PGK2: variants seen among roughly 807,000 people sequenced by gnomAD.
The protein encoded by PGK2 is phosphoglycerate kinase 2, also known as epididymis secretory protein Li 272.
PGK2 carries 5 observed loss-of-function variants against 5.2 expected under a neutral mutation model. That is an observed-to-expected ratio of 0.96 (90% confidence interval 0.50 to 2.01). PGK2 has a LOEUF of 2.01. Among genes scored for constraint, PGK2 ranks in the 30% most tolerant of loss-of-function variants. PGK2 has a pLI of 0.01. For synonymous variants in PGK2, 210 were observed against 182.6 expected, an observed-to-expected ratio of 1.15 and a Z score of -1.21; for missense variants, 588 against 506.8, an observed-to-expected ratio of 1.16 and a Z score of -1.54.
chr6:49,787,121 C>T lies in PGK2; in HGVS notation c.67G>A (p.Val23Ile). Reference sequence around the variant, plus strand: ...TTCTTCATGGGAACATTGAAGTCTACTCTCATGATGACTCGCTTCCCTCTA... The same window carrying T: ...TTCTTCATGGGAACATTGAAGTCTATTCTCATGATGACTCGCTTCCCTCTA... ...DVRGKRVIMR[V>I]DFNVPMKKNQ... is the part of the protein sequence containing the mutation. Residue 23 changes from valine to isoleucine, a missense_variant, in exon 1 of 1, where the codon GTA becomes ATA. Physicochemically the swap from Val to Ile is conservative, Grantham distance 29 (BLOSUM62 3). Coordinates refer to ENST00000304801, the MANE Select transcript of PGK2 (RefSeq NM_138733.5). The T allele has an allele frequency of 6.2e-7, 1 of 1,613,290 alleles. No homozygotes were observed. Among genetic ancestry groups the T allele is most frequent in the Non-Finnish European group, 8.5e-7 (1 of 1,179,314 alleles).
rs1665073969 is a variant in PGK2 at position 49,787,052 on chromosome 6, T to C, written c.136A>G (p.Ser46Gly). The change falls in exon 1 of 1, where the codon AGC (serine) becomes GGC (glycine). Residue 46 changes from serine (S) to glycine (G), a missense_variant. By Grantham distance (56) the Ser-to-Gly change is moderately conservative. Coordinates refer to ENST00000304801, the MANE Select transcript of PGK2 (RefSeq NM_138733.5). ...NNQRIKASIP[S>G]IKYCLDNGAK... is the part of the protein sequence containing the mutation. ...CCATTGTCCAGGCAGTACTTGATGC[T>C]TGGGATGGAAGCCTTGATCCTCTGG... The C allele has an allele frequency of 1.2e-6, 2 of 1,614,134 alleles. No individual in the cohort carries two copies. The highest frequency in any genetic ancestry group is 1.3e-5 in the African/African-American group (1 of 75,048).
chr6:49,786,714 C>G lies in PGK2; in HGVS notation c.474G>C (p.Gly158=). 1 of 1,614,068 alleles carries G rather than the reference C, an allele frequency of 6.2e-7. No individual in the cohort carries two copies. The change falls in exon 1 of 1, where the codon GGG becomes GGC. Residue 158 remains glycine (G), a synonymous_variant. Coordinates refer to ENST00000304801, the MANE Select transcript of PGK2 (RefSeq NM_138733.5). ...CAAAAGCATCATTGACATAGACGTCCCCTAGCTTGGAAAGTGATGCTCGGA... is the reference window on the plus strand; with the variant it reads ...CAAAAGCATCATTGACATAGACGTCGCCTAGCTTGGAAAGTGATGCTCGGA... ...EAFRASLSKL[G]DVYVNDAFGT...
chr6:49,786,848 C>G lies in PGK2; in HGVS notation c.340G>C (p.Gly114Arg). 1 of 1,614,114 alleles carries G rather than the reference C, an allele frequency of 6.2e-7. No individual in the cohort carries two copies. The highest frequency in any genetic ancestry group is 8.5e-7 in the Non-Finnish European group (1 of 1,180,006). ...VEKACANPAP[G>R]SVILLENLRF... The stretch of plus-strand genomic sequence containing the variant: ...AGGTTCTCCAGCAGGATGACTGAAC[C>G]AGGAGCTGGGTTGGCACAGGCTTTC... Residue 114 changes from glycine (G) to arginine (R), a missense_variant, in exon 1 of 1, where the codon GGT becomes CGT. Gly to Arg is a moderately radical substitution (Grantham distance 125). Coordinates refer to ENST00000304801, the MANE Select transcript of PGK2 (RefSeq NM_138733.5).
In PGK2 at chr6:49,785,999, C is replaced by T. The variant is rs780287346; in HGVS notation, c.1189G>A (p.Gly397Ser). The T allele has an allele frequency of 5.6e-6, 9 of 1,613,974 alleles. No individual in the cohort carries two copies. The highest frequency in any genetic ancestry group is 4.0e-5 in the African/African-American group (3 of 74,908). ...DKVSHVSTGG[G>S]ASLELLEGKI... ...CCTTCCAGAAGCTCTAGACTGGCAC[C>T]GCCTCCAGTGCTGACATGGCTGACT... The change falls in exon 1 of 1, where the codon GGT (glycine) becomes AGT (serine). Residue 397 changes from glycine to serine, a missense_variant. Gly to Ser is a moderately conservative substitution (Grantham distance 56). Coordinates refer to ENST00000304801, the MANE Select transcript of PGK2 (RefSeq NM_138733.5).
rs900610306 is a variant in PGK2, at chr6:49,787,081, T to C, written c.107A>G (p.Asn36Ser). 3.1e-6 allele frequency: 5 copies of C among 1,613,992 alleles called. No individual in the cohort carries two copies. The highest frequency in any genetic ancestry group is 4.2e-6 in the Non-Finnish European group (5 of 1,180,002). The change falls in exon 1 of 1, where the codon AAC becomes AGC. Residue 36 changes from asparagine to serine, a missense_variant. Physicochemically the swap from Asn to Ser is conservative, Grantham distance 46. Transcript: ENST00000304801. Reference protein sequence around the residue: ...NVPMKKNQITNNQRIKASIPS... With the variant: ...NVPMKKNQITSNQRIKASIPS... ...GATGGAAGCCTTGATCCTCTGGTTG[T>C]TTGTAATCTGGTTCTTCTTCATGGG...
Position 49,787,263 on chromosome 6 carries a change from C to A in PGK2, c.-76G>T. 2 of 1,093,112 alleles carry A rather than the reference C, an allele frequency of 1.8e-6. No individual in the cohort carries two copies. The highest frequency in any genetic ancestry group is 2.9e-5 in the South Asian group (2 of 70,086). 67.7% of individuals were successfully genotyped at this position (1,093,112 alleles called of 1,614,324 possible). Reference sequence around the variant, plus strand: ...CCAACTTGCTGTTGAGGGGCTGGGTCGGTGGTGACTTCTAACGCCTTTGCC... The same window carrying A: ...CCAACTTGCTGTTGAGGGGCTGGGTAGGTGGTGACTTCTAACGCCTTTGCC... On this transcript the variant is annotated 5_prime_UTR_variant, in exon 1 of 1. Coordinates refer to ENST00000304801, the MANE Select transcript of PGK2 (RefSeq NM_138733.5).
Position 49,786,554 on chromosome 6 carries a change from G to C in PGK2, c.634C>G (p.Leu212Val). ...TTGTCTGCCACTTTGGCTCCACCAA[G>C]TATAGCCAGAAAGGGTCTCACTGGG... ...ENPVRPFLAILGGAKVADKIQ... is the reference protein window; with the variant it reads ...ENPVRPFLAIVGGAKVADKIQ... Residue 212 changes from leucine (L) to valine (V), a missense_variant, in exon 1 of 1, where the codon CTT becomes GTT. Coordinates refer to ENST00000304801, the MANE Select transcript of PGK2 (RefSeq NM_138733.5). 6.2e-7 allele frequency: 1 copy of C among 1,614,122 alleles called. No individual in the cohort carries two copies. The highest frequency in any genetic ancestry group is 8.5e-7 in the Non-Finnish European group (1 of 1,180,014).
Position 49,785,943 on chromosome 6 carries a change from G to T in PGK2, c.1245C>A (p.Ser415Arg). 6.2e-7 allele frequency: 1 copy of T among 1,613,528 alleles called. No individual in the cohort carries two copies. The highest frequency in any genetic ancestry group is 8.5e-7 in the Non-Finnish European group (1 of 1,179,570). Reference sequence around the variant, plus strand: ...AGTAACACTATATTAACTACATGTTGCTGAGGGCCTCTACTCCAGGAAGGA... The same window carrying T: ...AGTAACACTATATTAACTACATGTTTCTGAGGGCCTCTACTCCAGGAAGGA... ...GKILPGVEAL[S>R]NM The change falls in exon 1 of 1, where the codon AGC becomes AGA. Residue 415 changes from serine (S) to arginine (R), a missense_variant. Ser to Arg is a moderately radical substitution (Grantham distance 110). Coordinates refer to ENST00000304801, the MANE Select transcript of PGK2 (RefSeq NM_138733.5).
rs1426981259 is a variant in PGK2 at position 49,786,828 on chromosome 6, C to T, written c.360G>A (p.Glu120=). The stretch of plus-strand genomic sequence containing the variant: ...CTTCCTCCACATGAAAGCGCAGGTT[C>T]TCCAGCAGGATGACTGAACCAGGAG... The part of the protein sequence containing the change: ...NPAPGSVILL[E]NLRFHVEEEG... Residue 120 remains glutamate, a synonymous_variant, in exon 1 of 1, where the codon GAG becomes GAA. Coordinates refer to ENST00000304801, the MANE Select transcript of PGK2 (RefSeq NM_138733.5). The T allele has an allele frequency of 5.0e-6, 8 of 1,614,176 alleles. No individual in the cohort carries two copies. The highest frequency in any genetic ancestry group is 1.3e-5 in the African/African-American group (1 of 75,062).
In PGK2 at chr6:49,786,999, A is replaced by G. The variant is rs140475255; in HGVS notation, c.189T>C (p.His63=). 1.5e-4 allele frequency: 250 copies of G among 1,614,078 alleles called. No individual in the cohort carries two copies. The East Asian group carries it at 2.3e-3, about 15-fold the overall frequency. ...NGAKAVVLMS[H]LGRPDGVPMP... The stretch of plus-strand genomic sequence containing the variant: ...TGGGAACACCATCAGGCCGACCTAG[A>G]TGACTCATAAGAACTACTGCCTTGG... The change falls in exon 1 of 1, where the codon CAT becomes CAC. Residue 63 remains histidine (H), a synonymous_variant. Transcript: ENST00000304801.
At position 49,787,071 on chromosome 6, in the gene PGK2, C is replaced by CCT. The variant is rs1230051666; in HGVS notation, c.115_116dup (p.Ile40GlyfsTer20). 1.1e-5 allele frequency: 18 copies of CCT among 1,614,074 alleles called. No individual in the cohort carries two copies. The highest frequency in any genetic ancestry group is 1.5e-5 in the Non-Finnish European group (18 of 1,180,004). On this transcript the variant is annotated frameshift_variant, in exon 1 of 1. Transcript: ENST00000304801. LOFTEE classifies it low-confidence loss of function (END_TRUNC). ...TGATGCTTGGGATGGAAGCCTTGAT[C>CCT]CTCTGGTTGTTTGTAATCTGGTTCT...
rs202129542 is a variant in PGK2, at chr6:49,786,785, G to A, written c.403C>T (p.Pro135Ser). ...TCAGCTTTAATCTTCTTTCCAGAGG[G>A]ATCTTGGCCCTTCCCTTCTTCCTCC... Reference protein sequence around the residue: ...HVEEEGKGQDPSGKKIKAEPD... With the variant: ...HVEEEGKGQDSSGKKIKAEPD... The change falls in exon 1 of 1, where the codon CCC becomes TCC. Residue 135 changes from proline (P) to serine (S), a missense_variant. Pro to Ser is a moderately conservative substitution (Grantham distance 74, BLOSUM62 -1). Transcript: ENST00000304801. 2 of 1,614,096 alleles carry A rather than the reference G, an allele frequency of 1.2e-6. No homozygotes were observed. Among genetic ancestry groups the A allele is most frequent in the Non-Finnish European group, 8.5e-7 (1 of 1,180,014 alleles).
At position 49,785,823 on chromosome 6, in the gene PGK2, A is replaced by G. The variant is rs547348766; in HGVS notation, c.*111T>C. On this transcript the variant is annotated 3_prime_UTR_variant, in exon 1 of 1. Coordinates refer to ENST00000304801, the MANE Select transcript of PGK2 (RefSeq NM_138733.5). ...TGATGGCCTGCTGCTTGTCCATTAC[A>G]TAGGTCTTGATCTAGGAGTAGATTT... 1.2e-6 allele frequency: 1 copy of G among 810,738 alleles called. No homozygotes were observed. The highest frequency in any genetic ancestry group is 1.7e-5 in the South Asian group (1 of 57,982). The allele number at this position is 810,738 out of a possible 1,614,324, so 50.2% of individuals were successfully genotyped here. A position where few individuals can be genotyped will look rare whatever the true frequency, so the allele number is the denominator to read the frequency against.
rs942261459 is a variant in PGK2 at position 49,787,246 on chromosome 6, C to T, written c.-59G>A. 2.2e-6 allele frequency: 3 copies of T among 1,335,724 alleles called. No homozygotes were observed. The highest frequency in any genetic ancestry group is 3.7e-5 in the Admixed American group (2 of 54,778). The allele number at this position is 1,335,724 out of a possible 1,614,324, so 82.7% of individuals were successfully genotyped here. A position where few individuals can be genotyped will look rare whatever the true frequency, so the allele number is the denominator to read the frequency against. On this transcript the variant is annotated 5_prime_UTR_variant, in exon 1 of 1. Transcript: ENST00000304801. ...ATCTTAATGCTGAAGAACCAACTTG[C>T]TGTTGAGGGGCTGGGTCGGTGGTGA...
chr6:49,786,210 T>G lies in PGK2; in HGVS notation c.978A>C (p.Gln326His). 1 of 1,614,146 alleles carries G rather than the reference T, an allele frequency of 6.2e-7. No homozygotes were observed. Among genetic ancestry groups the G allele is most frequent in the Non-Finnish European group, 8.5e-7 (1 of 1,180,030 alleles). Reference protein sequence around the residue: ...CGPESNKNHAQVVAQARLIVW... With the variant: ...CGPESNKNHAHVVAQARLIVW... ...CAATTAGCCTTGCTTGAGCCACAAC[T>G]TGAGCATGATTCTTGTTGCTCTCAG... is the stretch of plus-strand genomic sequence containing the variant. Residue 326 changes from glutamine (Q) to histidine (H), a missense_variant, in exon 1 of 1, where the codon CAA (glutamine) becomes CAC (histidine). Transcript: ENST00000304801.
chr6:49,786,145 A>AAG lies in PGK2; in HGVS notation c.1041_1042dup (p.Phe348SerfsTer14). The AAG allele has an allele frequency of 6.2e-7, 1 of 1,614,104 alleles. No individual in the cohort carries two copies. Among genetic ancestry groups the AAG allele is most frequent in the Non-Finnish European group, 8.5e-7 (1 of 1,180,018 alleles). ...CATGAGGGCTTTGGTTCCCTTAGCAAAGGCATCCCATTCAAATACTCCTAA... is the reference window on the plus strand; with the variant it reads ...CATGAGGGCTTTGGTTCCCTTAGCAAAGAGGCATCCCATTCAAATACTCCTAA... On this transcript the variant is annotated frameshift_variant, in exon 1 of 1. Coordinates refer to ENST00000304801, the MANE Select transcript of PGK2 (RefSeq NM_138733.5). LOFTEE classifies it high-confidence loss of function.
In PGK2 at chr6:49,785,985, C is replaced by G; in HGVS notation, c.1203G>C (p.Glu401Asp). 6.2e-7 allele frequency: 1 copy of G among 1,614,134 alleles called. No individual in the cohort carries two copies. Among genetic ancestry groups the G allele is most frequent in the Non-Finnish European group, 8.5e-7 (1 of 1,179,990 alleles). Residue 401 changes from glutamate (E) to aspartate (D), a missense_variant, in exon 1 of 1, where the codon GAG becomes GAC. Physicochemically the swap from Glu to Asp is conservative, Grantham distance 45 (BLOSUM62 2). Transcript: ENST00000304801. ...HVSTGGGASL[E>D]LLEGKILPGV... Reference sequence around the variant, plus strand: ...CAGGAAGGATTTTACCTTCCAGAAGCTCTAGACTGGCACCGCCTCCAGTGC... The same window carrying G: ...CAGGAAGGATTTTACCTTCCAGAAGGTCTAGACTGGCACCGCCTCCAGTGC...
In PGK2 at chr6:49,786,153, C is replaced by T. The variant is rs771269272; in HGVS notation, c.1035G>A (p.Trp345Ter). 6.2e-7 allele frequency: 1 copy of T among 1,614,050 alleles called. No individual in the cohort carries two copies. The highest frequency in any genetic ancestry group is 1.1e-5 in the South Asian group (1 of 91,080). The change falls in exon 1 of 1, where the codon TGG (tryptophan) becomes TGA (stop). Residue 345 changes from tryptophan (W) to a stop codon, truncating the protein, a stop_gained. Transcript: ENST00000304801. LOFTEE classifies it high-confidence loss of function. ...CTTTGGTTCCCTTAGCAAAGGCATC[C>T]CATTCAAATACTCCTAACGGCCCAT... ...VWNGPLGVFE[W>*]DAFAKGTKAL...
In PGK2 at chr6:49,786,242, A is replaced by C; in HGVS notation, c.946T>G (p.Cys316Gly). ...TGATTCTTGTTGCTCTCAGGACCAC[A>C]GTCCAAACCCATCCAGCCAGGAGAT... ...GISPGWMGLD[C>G]GPESNKNHAQ... The change falls in exon 1 of 1, where the codon TGT (cysteine) becomes GGT (glycine). Residue 316 changes from cysteine to glycine, a missense_variant. Transcript: ENST00000304801. 1 of 1,614,206 alleles carries C rather than the reference A, an allele frequency of 6.2e-7. No individual in the cohort carries two copies. Among genetic ancestry groups the C allele is most frequent in the Non-Finnish European group, 8.5e-7 (1 of 1,180,026 alleles).
Sources: gnomAD v4.1 joint callset for allele counts on GRCh38, gnomAD v4.1.1 for gene constraint, MANE v1.5 for transcripts, NCBI Gene and HGNC (gene_info 2026-07-23, HGNC 2026-07-21) for gene names.